LOC400499: variants seen among roughly 807,000 people sequenced by gnomAD.
At chr16:11,499,546 AAC>A in the LOC400499 span, among the ~76,000 whole-genome samples, 1 of 152,024 alleles carries the variant, frequency 6.6e-6, no homozygotes, top group Non-Finnish European at 1.5e-5. Context: ...CAGAGCCAAC[AAC>A]ACAGTCTACC....
At chr16:11,513,122 T>A in the LOC400499 span, among the ~76,000 whole-genome samples, 89,563 of 151,780 alleles carry the variant, frequency 0.59, 26,845 homozygotes, top group Admixed American at 0.66. Context: ...TCGGCGGGGT[T>A]CAACAGTTCA....
chr16:11,429,573 G>A, the LOC400499 span, among the ~76,000 whole-genome samples: 2,221 of 151,442 alleles, frequency 0.015, 60 homozygotes, highest in African/African-American at 0.052. Flanking sequence ...TCCCATGTTC[G>A]AGTGATTCTC....
At chr16:11,502,771 C>T in the LOC400499 span, among the ~76,000 whole-genome samples, 6 of 151,712 alleles carry the variant, frequency 4.0e-5, no homozygotes, top group African/African-American at 4.8e-5. Flanking sequence ...CCTGTGACCA[C>T]GTCTGGCTTA....
the LOC400499 span, chr16:11,423,354 G>A: frequency 5.0e-6 from 2 of 398,376 alleles, no homozygotes; most frequent in African/African-American, 4.1e-5. Context: ...GCCACCCTTT[G>A]GGGAAGCCAC....
the LOC400499 span, among the ~76,000 whole-genome samples, chr16:11,375,081 C>G: frequency 1.3e-5 from 2 of 151,732 alleles, no homozygotes; most frequent in Admixed American, 1.3e-4. Flanking sequence ...CTCCTGGCCT[C>G]AAGTGATTCG....
the LOC400499 span, among the ~76,000 whole-genome samples, chr16:11,510,186 C>T: frequency 2.7e-5 from 4 of 150,852 alleles, 1 homozygote; most frequent in South Asian, 8.5e-4. Flanking sequence ...ATCCACAGTC[C>T]ACACCTCCCT....
chr16:11,440,765 T>C, the LOC400499 span: 1 of 399,084 alleles, frequency 2.5e-6, no homozygotes, highest in Non-Finnish European at 4.4e-6. Flanking sequence ...CGTGCATCCA[T>C]GCCAAAGTTG....
chr16:11,440,594 G>A, the LOC400499 span: 2 of 397,604 alleles, frequency 5.0e-6, no homozygotes, highest in East Asian at 7.1e-5. Context: ...GCCAAAATAA[G>A]GGCTGTGCTG....
At chr16:11,441,298 T>C in the LOC400499 span, among the ~76,000 whole-genome samples, 7 of 152,330 alleles carry the variant, frequency 4.6e-5, no homozygotes, top group South Asian at 4.1e-4. Context: ...GTGGGCTTGA[T>C]GGAACAAATG....
the LOC400499 span, among the ~76,000 whole-genome samples, chr16:11,418,708 G>C: frequency 6.6e-6 from 1 of 152,302 alleles, no homozygotes. Flanking sequence ...CATTCCTGTG[G>C]CTGCTTTCAC....
the LOC400499 span, among the ~76,000 whole-genome samples, chr16:11,408,106 C>T: frequency 6.6e-6 from 1 of 151,276 alleles, no homozygotes; most frequent in Non-Finnish European, 1.5e-5. Flanking sequence ...CCTCAGCCTC[C>T]TGAGTAACCA....
At chr16:11,390,429 C>T in the LOC400499 span, 5 of 1,252,506 alleles carry the variant, frequency 4.0e-6, no homozygotes, top group East Asian at 9.0e-5. Context: ...GCAGTGTCAC[C>T]TCCAGGTAGG....
At chr16:11,502,334 G>A in the LOC400499 span, among the ~76,000 whole-genome samples, 1 of 152,186 alleles carries the variant, frequency 6.6e-6, no homozygotes, top group South Asian at 2.1e-4. Flanking sequence ...GTGAGATGAA[G>A]CTCCAGGTCT....
At chr16:11,507,006 C>T in the LOC400499 span, among the ~76,000 whole-genome samples, 1 of 152,132 alleles carries the variant, frequency 6.6e-6, no homozygotes, top group African/African-American at 2.4e-5. Context: ...TTTTTCAATG[C>T]TGTAAGTAAA....
At chr16:11,403,140 C>T in the LOC400499 span, among the ~76,000 whole-genome samples, 1 of 152,198 alleles carries the variant, frequency 6.6e-6, no homozygotes, top group Admixed American at 6.5e-5. Flanking sequence ...CCAGACCCCA[C>T]AGCAGGAGGC....
chr16:11,510,935 G>A, the LOC400499 span, among the ~76,000 whole-genome samples: 2 of 151,462 alleles, frequency 1.3e-5, no homozygotes, highest in Non-Finnish European at 2.9e-5. Context: ...AACGGGGCCA[G>A]GATGATGTGA....
At chr16:11,494,270 C>T in the LOC400499 span, among the ~76,000 whole-genome samples, 17 of 150,434 alleles carry the variant, frequency 1.1e-4, no homozygotes, top group African/African-American at 4.2e-4. Context: ...CCAGACCCCG[C>T]GGGCCAGCCT....
At chr16:11,502,023 A>G in the LOC400499 span, 28 of 398,564 alleles carry the variant, frequency 7.0e-5, no homozygotes, top group Non-Finnish European at 8.9e-6. Context: ...CCTTTAACCC[A>G]GGGATGCCCC....
At chr16:11,473,356 GA>G in the LOC400499 span, among the ~76,000 whole-genome samples, 12 of 147,954 alleles carry the variant, frequency 8.1e-5, no homozygotes, top group East Asian at 4.0e-4. Context: ...AAAAAAAAAA[GA>G]AAAAAAAATT....
Sources: gnomAD v4.1 joint callset for allele counts (sites outside exome capture counted in the v4.1 genomes callset) on GRCh38, gnomAD v4.1.1 for gene constraint, MANE v1.5 for transcripts.